The following SLIT3 variants were observed in gnomAD, a reference collection of about 807,000 sequenced individuals.
SLIT3 encodes the protein slit guidance ligand 3, also known as slit homolog 3 protein.
SLIT3 carries 68 observed loss-of-function variants against 184.0 expected under a neutral mutation model. That is an observed-to-expected ratio of 0.37 (90% CI 0.30 to 0.45). The LOEUF (loss-of-function observed/expected upper bound fraction) is 0.45. Among genes scored for constraint, SLIT3 ranks in the 20% least tolerant of loss-of-function variants. The pLI, the probability that SLIT3 is intolerant of heterozygous loss-of-function variation, is 1.00. For missense variants in SLIT3, 1,707 were observed against 2,026.0 expected (o/e 0.84, Z 3.02); for synonymous variants, 831 against 828.6 (o/e 1.00, Z -0.05).
At chr5:168,834,671 A>G (rs567741140) in intron 6 of SLIT3, among the ~76,000 whole-genome samples, 187 of 130,366 alleles carry the variant, frequency 1.4e-3, no homozygotes, top group African/African-American at 5.0e-3. Context: ...TGGGACACAC[A>G]GCGAGACTCT....
At chr5:168,736,645 C>T (rs1004091753) in intron 20 of SLIT3, among the ~76,000 whole-genome samples, 2 of 146,274 alleles carry the variant, frequency 1.4e-5, no homozygotes, top group Admixed American at 6.6e-5. Flanking sequence ...CCTGGGCTTG[C>T]CTCCTCCCTG....
chr5:169,275,517 G>A (rs1272658693), intron 1 of SLIT3, among the ~76,000 whole-genome samples: 3 of 152,096 alleles, frequency 2.0e-5, no homozygotes, highest in South Asian at 2.1e-4. Flanking sequence ...TTTTTACGCC[G>A]CTGATAAAGA....
At chr5:168,872,254 G>A (rs75489343) in intron 5 of SLIT3, among the ~76,000 whole-genome samples, 3,578 of 152,272 alleles carry the variant, frequency 0.023, 141 homozygotes, top group African/African-American at 0.081. Context: ...TGGAAGGAAG[G>A]ATGAATAGGT....
chr5:169,256,722 C>T (rs1765972993), intron 1 of SLIT3, among the ~76,000 whole-genome samples: 1 of 152,184 alleles, frequency 6.6e-6, no homozygotes, highest in African/African-American at 2.4e-5. Context: ...CAAGGCCTTT[C>T]TGAGACTTTT....
At chr5:168,740,817 A>G (rs1763606374) in intron 20 of SLIT3, among the ~76,000 whole-genome samples, 1 of 152,088 alleles carries the variant, frequency 6.6e-6, no homozygotes. Flanking sequence ...TATCTTTGTT[A>G]TTTCAGTTTT....
At chr5:168,703,351 ACCGGT>A (rs1762275111) in intron 26 of SLIT3, among the ~76,000 whole-genome samples, 1 of 151,308 alleles carries the variant, frequency 6.6e-6, no homozygotes, top group African/African-American at 2.4e-5. Flanking sequence ...ATGGACTGGT[ACCGGT>A]CCCCGTTAGG....
chr5:168,750,542 C>T (rs1754659560), intron 18 of SLIT3, among the ~76,000 whole-genome samples: 2 of 152,148 alleles, frequency 1.3e-5, no homozygotes, highest in African/African-American at 4.8e-5. Flanking sequence ...CACTCAGTAG[C>T]TGTGTGAAGC....
At chr5:169,171,013 C>G (rs1762801183) in intron 4 of SLIT3, among the ~76,000 whole-genome samples, 1 of 152,096 alleles carries the variant, frequency 6.6e-6, no homozygotes, top group Admixed American at 6.6e-5. Context: ...GTTAATAACA[C>G]CAAAATGAGA....
chr5:168,666,736 C>G, intron 35 of SLIT3, 47 bp from the exon 36 acceptor site: 1 of 1,612,990 alleles, frequency 6.2e-7, no homozygotes, highest in South Asian at 1.1e-5. Flanking sequence ...AGGTGGCCAG[C>G]AGGACCATGA....
intron 4 of SLIT3, among the ~76,000 whole-genome samples, chr5:168,899,685 A>C (rs1760800449): frequency 6.6e-6 from 1 of 152,242 alleles, no homozygotes; most frequent in African/African-American, 2.4e-5. Context: ...AGAAAAAGAA[A>C]GAAAAGAGTA....
intron 4 of SLIT3, among the ~76,000 whole-genome samples, chr5:169,102,241 G>T (rs1429583970): frequency 1.3e-5 from 2 of 152,166 alleles, no homozygotes; most frequent in African/African-American, 4.8e-5. Context: ...GAAGGGGAGA[G>T]TTGAAATCAC....
intron 12 of SLIT3, among the ~76,000 whole-genome samples, chr5:168,782,167 T>C (rs905984957): frequency 6.6e-6 from 1 of 152,166 alleles, no homozygotes; most frequent in African/African-American, 2.4e-5. Flanking sequence ...CAAATGGTCT[T>C]GTCTGCCTTC....
At chr5:169,093,814 A>C (rs1759677517) in intron 4 of SLIT3, among the ~76,000 whole-genome samples, 1 of 152,236 alleles carries the variant, frequency 6.6e-6, no homozygotes, top group African/African-American at 2.4e-5. Flanking sequence ...ATTGCAATAC[A>C]AATGATCAAG....
Position 169,093,611 on chromosome 5 carries a change from T to C in SLIT3, c.413+99868A>G, listed in dbSNP as rs10475897. ...CTGCCCCAACTTATGGGAAGCAGAG[T>C]TTTACAATAGAGTAGCTCATGGGTT... On this transcript the variant is annotated intron_variant, in intron 4 of 35. Transcript: ENST00000519560. 1.2e-3 allele frequency among the ~76,000 whole-genome samples: 186 copies of C among 152,242 alleles called. 1 individual carries two copies. The highest frequency in any genetic ancestry group is 4.3e-3 in the African/African-American group (180 of 41,538).
intron 4 of SLIT3, among the ~76,000 whole-genome samples, chr5:168,914,600 A>G (rs1431880338): frequency 6.6e-6 from 1 of 151,922 alleles, no homozygotes; most frequent in Admixed American, 6.5e-5. Flanking sequence ...CAACTCTGCC[A>G]CTCGTTTTGC....
intron 7 of SLIT3, 64 bp from the exon 8 acceptor site, chr5:168,817,527 C>T (rs998883301): frequency 3.2e-6 from 5 of 1,545,240 alleles, no homozygotes; most frequent in African/African-American, 2.7e-5. Context: ...TGTCACTGGC[C>T]AGACAGAGTG....
chr5:169,024,067 G>C (rs997039000), intron 4 of SLIT3: 4 of 152,072 alleles, frequency 2.6e-5, no homozygotes, highest in Non-Finnish European at 5.9e-5. Flanking sequence ...ACTCCCTTTT[G>C]GTGAATAACC....
At chr5:168,883,719 G>GGGTCAAC (rs1760054040) in intron 4 of SLIT3, among the ~76,000 whole-genome samples, 2 of 145,756 alleles carry the variant, frequency 1.4e-5, no homozygotes, top group Admixed American at 1.4e-4. Context: ...CCCCACTGTG[G>GGGTCAAC]GGTCAACGCC....
rs995694864 is a variant in SLIT3 at position 168,825,450 on chromosome 5, T to TCTCC, written c.558-2123_558-2120dup. Among the ~76,000 whole-genome samples, 6 of 152,116 alleles carry TCTCC rather than the reference T, an allele frequency of 3.9e-5. No individual in the cohort carries two copies. The East Asian group carries it at 7.7e-4, about 20-fold the overall frequency. ...AAAGGCACAGAACCTAATTCTTCTTTCTCCCTCCCTCCCTCCCATATTTAC... is the reference window on the plus strand; with the variant it reads ...AAAGGCACAGAACCTAATTCTTCTTTCTCCCTCCCTCCCTCCCTCCCATATTTAC... On this transcript the variant is annotated intron_variant, in intron 6 of 35. Coordinates refer to ENST00000519560, the MANE Select transcript of SLIT3 (RefSeq NM_003062.4).
Sources: allele counts gnomAD v4.1 joint callset (sites outside exome capture counted in the v4.1 genomes callset), GRCh38; gene constraint gnomAD v4.1.1; transcripts MANE v1.5; gene names NCBI Gene and HGNC (gene_info 2026-07-23, HGNC 2026-07-21).